HDAC5: variants seen among roughly 807,000 people sequenced by gnomAD.
HDAC5 encodes the protein antigen NY-CO-9.
In HDAC5, 25 loss-of-function variants were observed where a neutral mutation model predicts 133.3. That is an observed-to-expected ratio of 0.19 (90% CI 0.14 to 0.26). HDAC5 has a LOEUF of 0.26. Among genes scored for constraint, HDAC5 ranks in the 10% least tolerant of loss-of-function variants. The pLI is 1.00. For missense variants in HDAC5, 1,041 were observed against 1,460.5 expected, an observed-to-expected ratio of 0.71 and a Z score of 4.68; for synonymous variants, 589 against 610.8, an observed-to-expected ratio of 0.96 and a Z score of 0.53.
Position 44,080,885 on chromosome 17 carries a change from A to G in HDAC5, c.2608-3T>C, listed in dbSNP as rs8064428. On this transcript the variant is annotated splice_region_variant and splice_polypyrimidine_tract_variant and intron_variant, in intron 20 of 26. Coordinates refer to ENST00000682912, the MANE Select transcript of HDAC5 (RefSeq NM_005474.5). ...GTGCCATTGCCATGGTGAATGTCCTATGAGGGGAGGTAGAAGCATCGGGAA... is the reference window on the plus strand; with the variant it reads ...GTGCCATTGCCATGGTGAATGTCCTGTGAGGGGAGGTAGAAGCATCGGGAA... 6.1e-3 allele frequency: 9,853 copies of G among 1,614,068 alleles called. 513 individuals are homozygous for G. In the African/African-American group the frequency reaches 0.11, roughly 18 times the overall value.
chr17:44,105,364 T>C (rs908145836), intron 3 of HDAC5, among the ~76,000 whole-genome samples: 1 of 152,158 alleles, frequency 6.6e-6, no homozygotes, highest in African/African-American at 2.4e-5. Flanking sequence ...CTGGTGCAAA[T>C]AGAGTTAGTA....
chr17:44,092,828 G>GGGGGGGC, intron 6 of HDAC5, 22 bp from the exon 7 acceptor site: 2 of 596,588 alleles, frequency 3.4e-6, no homozygotes, highest in Admixed American at 3.0e-5. Context: ...GGGGGGTGGG[G>GGGGGGGC]ATGGAAGCAG....
chr17:44,099,483 T>TC (rs1056062910), intron 3 of HDAC5, among the ~76,000 whole-genome samples: 4 of 151,610 alleles, frequency 2.6e-5, no homozygotes, highest in African/African-American at 9.7e-5. Context: ...TTTTTTCTTT[T>TC]TTTTTTTTTG....
At chr17:44,123,125 C>G (rs996320234) in intron 1 of HDAC5, 2 of 174,294 alleles carry the variant, frequency 1.1e-5, no homozygotes, top group African/African-American at 4.7e-5. Context: ...TGCACAGAAT[C>G]CGGGTGCAGG....
intron 3 of HDAC5, among the ~76,000 whole-genome samples, chr17:44,095,985 A>G (rs116971671): frequency 0.013 from 1,914 of 152,194 alleles, 19 homozygotes; most frequent in Non-Finnish European, 0.016. Context: ...CGAAGTTCCA[A>G]TGGGCTTATG....
At chr17:44,111,604 A>T in intron 2 of HDAC5, 1 of 517,964 alleles carries the variant, frequency 1.9e-6, no homozygotes, top group South Asian at 1.4e-5. Context: ...AAGGAATTGG[A>T]AGGGTCTAGG....
intron 3 of HDAC5, among the ~76,000 whole-genome samples, chr17:44,094,249 G>A (rs1597974118): frequency 2.0e-5 from 3 of 152,040 alleles, no homozygotes; most frequent in South Asian, 2.1e-4. Context: ...CTTGAACCCC[G>A]GGAGGCGGAG....
At chr17:44,085,576 A>G (rs1597944229) in intron 14 of HDAC5, among the ~76,000 whole-genome samples, 2 of 151,846 alleles carry the variant, frequency 1.3e-5, no homozygotes, top group Non-Finnish European at 2.9e-5. Context: ...ATCTCGGCTC[A>G]CTGCAACCTC....
intron 3 of HDAC5, among the ~76,000 whole-genome samples, chr17:44,098,728 G>A (rs527861366): frequency 6.3e-5 from 8 of 126,792 alleles, no homozygotes; most frequent in Non-Finnish European, 9.9e-5. Context: ...GTGATAGAGC[G>A]AGACCCTATC....
At chr17:44,107,971 G>A (rs2052075495) in intron 3 of HDAC5, among the ~76,000 whole-genome samples, 2 of 152,174 alleles carry the variant, frequency 1.3e-5, no homozygotes, top group Admixed American at 1.3e-4. Flanking sequence ...GGGAATCCAG[G>A]GCCCACATAA....
chr17:44,114,288 C>T (rs1301111704), intron 2 of HDAC5, among the ~76,000 whole-genome samples: 2 of 152,234 alleles, frequency 1.3e-5, no homozygotes, highest in African/African-American at 2.4e-5. Flanking sequence ...ACCCCAGCCC[C>T]ATGCCAGGAT....
At chr17:44,114,514 A>G (rs1334298684) in intron 2 of HDAC5, among the ~76,000 whole-genome samples, 1 of 152,066 alleles carries the variant, frequency 6.6e-6, no homozygotes, top group Non-Finnish European at 1.5e-5. Context: ...GGCGCTGGGC[A>G]GGCAGGTGTT....
At chr17:44,114,442 G>GT (rs1379531256) in intron 2 of HDAC5, among the ~76,000 whole-genome samples, 1 of 151,986 alleles carries the variant, frequency 6.6e-6, no homozygotes, top group African/African-American at 2.4e-5. Flanking sequence ...AGGCGTGGGG[G>GT]GGGGGGGCTG....
intron 2 of HDAC5, among the ~76,000 whole-genome samples, chr17:44,113,374 A>G (rs1038782447): frequency 6.6e-6 from 1 of 152,152 alleles, no homozygotes; most frequent in African/African-American, 2.4e-5. Context: ...AGCCTCCAAC[A>G]AGTAGGAAGC....
intron 6 of HDAC5, 84 bp downstream of exon 6, chr17:44,093,008 G>T: frequency 1.0e-6 from 1 of 987,064 alleles, no homozygotes; most frequent in Non-Finnish European, 1.5e-6. Flanking sequence ...TATGGGCACG[G>T]GGAAGAAGCC....
At position 44,088,435 on chromosome 17, in the gene HDAC5, G is replaced by A. The variant is rs781681639; in HGVS notation, c.1551C>T (p.His517=). ...GCTTCTGCTTCTCCAGGAACTGCTG[G>A]TGCTGTTGTTGCATGACCAGCTGCT... is the stretch of plus-strand genomic sequence containing the variant. ...ALQQLVMQQQ[H]QQFLEKQKQQ... is the part of the protein sequence containing the mutation. The change falls in exon 12 of 27, where the codon CAC becomes CAT. Residue 517 remains histidine, a synonymous_variant. Transcript: ENST00000682912. 3.2e-6 allele frequency: 5 copies of A among 1,585,520 alleles called. No individual in the cohort carries two copies. The South Asian group carries it at 3.4e-5, about 11-fold the overall frequency.
In HDAC5 at chr17:44,095,675, T is replaced by G. The variant is rs561116771; in HGVS notation, c.95-1841A>C. Among the ~76,000 whole-genome samples the G allele has an allele frequency of 1.2e-3, 176 of 151,032 alleles. 1 individual carries two copies. The highest frequency in any genetic ancestry group is 1.7e-3 in the Non-Finnish European group (114 of 67,860). On this transcript the variant is annotated intron_variant, in intron 3 of 26. Coordinates refer to ENST00000682912, the MANE Select transcript of HDAC5 (RefSeq NM_005474.5). Reference sequence around the variant, plus strand: ...ATTACCCTGAAAATGCCGCTATATATAGAGTGAGCCAAACAGCAGCTGTGC... The same window carrying G: ...ATTACCCTGAAAATGCCGCTATATAGAGAGTGAGCCAAACAGCAGCTGTGC...
At chr17:44,091,144 A>C (rs1041681809) in intron 11 of HDAC5, 126 bp downstream of exon 11, 7 of 782,636 alleles carry the variant, frequency 8.9e-6, no homozygotes, top group Admixed American at 2.1e-5. Flanking sequence ...CCATGTTTCC[A>C]GAATGTGGAA....
At chr17:44,112,830 G>A (rs531447331) in intron 2 of HDAC5, among the ~76,000 whole-genome samples, 3 of 152,290 alleles carry the variant, frequency 2.0e-5, no homozygotes, top group African/African-American at 7.2e-5. Context: ...ACAGGGGTCT[G>A]GAGCTGCAGC....
Sources: gnomAD v4.1 joint callset for allele counts (sites outside exome capture counted in the v4.1 genomes callset) on GRCh38, gnomAD v4.1.1 for gene constraint, MANE v1.5 for transcripts, NCBI Gene and HGNC (gene_info 2026-07-23, HGNC 2026-07-21) for gene names.